Variants in ADCY8 observed in about 807,000 individuals in gnomAD.
ADCY8 encodes the protein adenylate cyclase type 8.
Under a neutral mutation model 119.7 loss-of-function variants are expected in ADCY8, and 51 were observed. That is an observed-to-expected ratio of 0.43 (90% CI 0.34 to 0.54). ADCY8 has a LOEUF of 0.54. Among genes scored for constraint, ADCY8 ranks in the 20% least tolerant of loss-of-function variants. ADCY8 has a pLI of 0.03. For synonymous variants in ADCY8, 665 were observed against 651.0 expected, an observed-to-expected ratio of 1.02 and a Z score of -0.33; for missense variants, 1,383 against 1,598.8, an observed-to-expected ratio of 0.87 and a Z score of 2.30.
At chr8:130,839,440 C>T (rs1366645760) in intron 11 of ADCY8, among the ~76,000 whole-genome samples, 1 of 139,524 alleles carries the variant, frequency 7.2e-6, no homozygotes, top group African/African-American at 2.5e-5. Context: ...CAGAATGAGG[C>T]CCCTGGACAA....
chr8:130,817,610 C>T (rs10098452), intron 13 of ADCY8, among the ~76,000 whole-genome samples: 10,011 of 152,098 alleles, frequency 0.066, 1,112 homozygotes, highest in African/African-American at 0.23. Context: ...AGATGTGACA[C>T]GTTTAGCTTA....
chr8:130,865,992 T>C (rs189984556), intron 9 of ADCY8, among the ~76,000 whole-genome samples: 23 of 152,288 alleles, frequency 1.5e-4, no homozygotes, highest in African/African-American at 5.5e-4. Context: ...GTTGGCTGTA[T>C]TGAGATCCTT....
chr8:131,027,320 GA>G (rs1329329935), intron 1 of ADCY8, among the ~76,000 whole-genome samples: 1 of 152,192 alleles, frequency 6.6e-6, no homozygotes, highest in Non-Finnish European at 1.5e-5. Context: ...GCCAGGCAAG[GA>G]AGGTAAACAA....
chr8:131,022,221 C>T (rs1160406611), intron 1 of ADCY8, among the ~76,000 whole-genome samples: 20 of 152,028 alleles, frequency 1.3e-4, no homozygotes, highest in Admixed American at 1.2e-3. Context: ...TTTGCTGCAC[C>T]CATCAACCCG....
intron 5 of ADCY8, among the ~76,000 whole-genome samples, chr8:130,934,423 A>T (rs1820725500): frequency 6.6e-6 from 1 of 152,078 alleles, no homozygotes; most frequent in African/African-American, 2.4e-5. Flanking sequence ...CTCTCATGAG[A>T]ACTCACTCAC....
At chr8:130,824,007 G>T (rs993121013) in intron 12 of ADCY8, among the ~76,000 whole-genome samples, 5 of 152,068 alleles carry the variant, frequency 3.3e-5, no homozygotes, top group Non-Finnish European at 7.4e-5. Flanking sequence ...ATCCCTTGAA[G>T]CCTTTTATTT....
intron 9 of ADCY8, among the ~76,000 whole-genome samples, chr8:130,850,012 A>T (rs189269314): frequency 6.6e-4 from 101 of 152,298 alleles, no homozygotes; most frequent in Admixed American, 1.2e-3. Flanking sequence ...TTGCAAAAAA[A>T]CAGAATATTT....
At chr8:130,993,658 A>G (rs1251044860) in intron 1 of ADCY8, among the ~76,000 whole-genome samples, 1 of 152,276 alleles carries the variant, frequency 6.6e-6, no homozygotes, top group African/African-American at 2.4e-5. Context: ...TTCTTCTTTC[A>G]CTTGGCTTTC....
intron 15 of ADCY8, among the ~76,000 whole-genome samples, chr8:130,791,584 T>G (rs758022592): frequency 7.2e-5 from 11 of 152,278 alleles, no homozygotes; most frequent in Non-Finnish European, 1.5e-4. Context: ...TGAGACTTGG[T>G]GATGCGGCTG....
At chr8:131,009,130 C>T (rs1823218661) in intron 1 of ADCY8, among the ~76,000 whole-genome samples, 1 of 152,202 alleles carries the variant, frequency 6.6e-6, no homozygotes, top group African/African-American at 2.4e-5. Context: ...TAACGAGGAG[C>T]TGAATGTCAA....
At chr8:130,815,968 C>A (rs186130137) in intron 13 of ADCY8, among the ~76,000 whole-genome samples, 2 of 152,186 alleles carry the variant, frequency 1.3e-5, no homozygotes, top group African/African-American at 4.8e-5. Context: ...TCTCACAGCC[C>A]GTTTTTACTG....
chr8:130,884,034 G>A (rs969128548), intron 8 of ADCY8, among the ~76,000 whole-genome samples: 1 of 118,996 alleles, frequency 8.4e-6, no homozygotes, highest in African/African-American at 3.2e-5. Flanking sequence ...ATTCAAATTT[G>A]ACTCTGAATC....
chr8:130,939,218 G>A (rs1047463916), intron 4 of ADCY8, among the ~76,000 whole-genome samples: 1 of 152,034 alleles, frequency 6.6e-6, no homozygotes, highest in Non-Finnish European at 1.5e-5. Context: ...AGAACTACTG[G>A]AAAGACATAT....
At chr8:131,004,703 G>T (rs904661726) in intron 1 of ADCY8, among the ~76,000 whole-genome samples, 1 of 152,164 alleles carries the variant, frequency 6.6e-6, no homozygotes, top group Non-Finnish European at 1.5e-5. Context: ...TACGTATGTG[G>T]ACCAAACAAA....
intron 12 of ADCY8, among the ~76,000 whole-genome samples, chr8:130,831,532 C>T (rs527446685): frequency 4.6e-5 from 7 of 152,280 alleles, no homozygotes; most frequent in Admixed American, 3.9e-4. Context: ...GGGAGATGGA[C>T]ATATCAGGCA....
chr8:130,802,251 G>A (rs1364440478), intron 14 of ADCY8, among the ~76,000 whole-genome samples: 1 of 152,158 alleles, frequency 6.6e-6, no homozygotes, highest in Non-Finnish European at 1.5e-5. Flanking sequence ...GAGTCATCCT[G>A]ACTCCTTCCC....
At chr8:131,037,870 G>A (rs1824212121) in intron 1 of ADCY8, among the ~76,000 whole-genome samples, 1 of 152,148 alleles carries the variant, frequency 6.6e-6, no homozygotes, top group African/African-American at 2.4e-5. Context: ...TTTGTTATAT[G>A]TAGATATGAA....
intron 1 of ADCY8, among the ~76,000 whole-genome samples, chr8:130,995,495 T>C (rs1031969307): frequency 6.6e-6 from 1 of 152,190 alleles, no homozygotes; most frequent in South Asian, 2.1e-4. Flanking sequence ...AGACTTCCCA[T>C]CATGACAGTG....
At chr8:131,003,231 C>A (rs940645573) in intron 1 of ADCY8, among the ~76,000 whole-genome samples, 2 of 151,884 alleles carry the variant, frequency 1.3e-5, no homozygotes, top group Non-Finnish European at 2.9e-5. Flanking sequence ...CACACACACA[C>A]ACACACACAA....
Sources: allele counts gnomAD v4.1 joint callset (sites outside exome capture counted in the v4.1 genomes callset), GRCh38; gene constraint gnomAD v4.1.1; transcripts MANE v1.5; gene names NCBI Gene and HGNC (gene_info 2026-07-23, HGNC 2026-07-21).